EPSTI1: variants seen among roughly 807,000 people sequenced by gnomAD.
EPSTI1 encodes the protein epithelial stromal interaction 1.
A neutral mutation model predicts 49.9 loss-of-function variants in EPSTI1; 66 were observed. The ratio of observed to expected loss-of-function variants is 1.32; its 90% CI spans 1.08 to 1.62. The LOEUF (loss-of-function observed/expected upper bound fraction) is 1.62. EPSTI1 is among the 40% of genes most tolerant of loss of function. The probability of loss-of-function intolerance (pLI) is 0.00; values close to 1 mark genes in which losing one functional copy is unlikely to be tolerated. For missense variants in EPSTI1, 394 were observed against 365.5 expected (o/e 1.08, Z -0.64); for synonymous variants, 137 against 130.7 (o/e 1.05, Z -0.33).
chr13:42,897,727 A>G (rs2037235488), intron 9 of EPSTI1, among the ~76,000 whole-genome samples: 1 of 152,248 alleles, frequency 6.6e-6, no homozygotes, highest in African/African-American at 2.4e-5. Flanking sequence ...ATACTATAGG[A>G]GTGTCCTCAA....
chr13:42,928,505 G>T (rs1039418383), intron 6 of EPSTI1, among the ~76,000 whole-genome samples: 12 of 152,116 alleles, frequency 7.9e-5, no homozygotes, highest in African/African-American at 2.9e-4. Flanking sequence ...TGTTGGAGAG[G>T]GGTGGTCCTC....
intron 6 of EPSTI1, among the ~76,000 whole-genome samples, chr13:42,945,648 T>C (rs1035430259): frequency 2.6e-5 from 4 of 152,128 alleles, no homozygotes; most frequent in African/African-American, 9.7e-5. Flanking sequence ...GTTGCAAAGA[T>C]AGTAACAAAC....
intron 10 of EPSTI1, among the ~76,000 whole-genome samples, chr13:42,893,111 G>GA (rs1220021978): frequency 6.6e-6 from 1 of 152,038 alleles, no homozygotes; most frequent in African/African-American, 2.4e-5. Context: ...GTGGGTTTAA[G>GA]AAAAAAATAA....
chr13:42,901,998 A>G (rs1251707771), intron 8 of EPSTI1, among the ~76,000 whole-genome samples: 2 of 142,346 alleles, frequency 1.4e-5, no homozygotes, highest in African/African-American at 5.3e-5. Context: ...ATTCCCACCT[A>G]TGAGTGAGAA....
At chr13:42,932,173 T>A (rs1236773813) in intron 6 of EPSTI1, among the ~76,000 whole-genome samples, 1 of 152,010 alleles carries the variant, frequency 6.6e-6, no homozygotes, top group Non-Finnish European at 1.5e-5. Flanking sequence ...CCTCAAGTGA[T>A]CCTCCCACCT....
At chr13:42,919,136 CT>C (rs1240288672) in intron 7 of EPSTI1, among the ~76,000 whole-genome samples, 8 of 151,962 alleles carry the variant, frequency 5.3e-5, no homozygotes, top group Non-Finnish European at 8.8e-5. Context: ...TTTTGTTGTT[CT>C]TTTATTAGAA....
intron 10 of EPSTI1, among the ~76,000 whole-genome samples, chr13:42,891,352 T>C (rs1369498297): frequency 6.6e-6 from 1 of 152,238 alleles, no homozygotes; most frequent in East Asian, 1.9e-4. Context: ...TGTATAGGCC[T>C]GGTCTTCGTT....
intron 6 of EPSTI1, among the ~76,000 whole-genome samples, chr13:42,950,499 A>G (rs1425801756): frequency 6.6e-6 from 1 of 152,228 alleles, no homozygotes; most frequent in Non-Finnish European, 1.5e-5. Context: ...AATAATTGAC[A>G]ACACTAAAAA....
intron 10 of EPSTI1, 132 bp downstream of exon 10, chr13:42,894,877 C>G: frequency 7.1e-6 from 5 of 699,404 alleles, no homozygotes; most frequent in Non-Finnish European, 9.5e-6. Context: ...GGCTGACTGC[C>G]CATCACACTG....
rs2036896822 is a variant in EPSTI1 at position 42,887,483 on chromosome 13, A to AGAT, written c.*1008_*1010dup. On this transcript the variant is annotated 3_prime_UTR_variant, in exon 11 of 11. Coordinates refer to ENST00000313624, the MANE Select transcript of EPSTI1 (RefSeq NM_033255.5). Reference sequence around the variant, plus strand: ...AGTATTATTAGTTGTCCAGCTGCAAAGATGATTTGTTGTATTTACCTTTAT... The same window carrying AGAT: ...AGTATTATTAGTTGTCCAGCTGCAAAGATGATGATTTGTTGTATTTACCTTTAT... The AGAT allele has an allele frequency of 2.0e-5, 3 of 152,224 alleles. No individual in the cohort carries two copies. The highest frequency in any genetic ancestry group is 7.2e-5 in the African/African-American group (3 of 41,446). The allele number at this position is 152,224 out of a possible 1,614,324, so 9.4% of individuals were successfully genotyped here.
intron 1 of EPSTI1, among the ~76,000 whole-genome samples, chr13:42,977,877 G>T (rs1280687878): frequency 6.6e-6 from 1 of 152,232 alleles, no homozygotes; most frequent in South Asian, 2.1e-4. Flanking sequence ...AAGGCCTGGT[G>T]TGGTGGCTCA....
At chr13:42,970,782 T>C (rs1373825170) in intron 1 of EPSTI1, 112 bp from the exon 2 acceptor site, 7 of 750,920 alleles carry the variant, frequency 9.3e-6, no homozygotes, top group African/African-American at 5.3e-5. Context: ...TACCATCAAA[T>C]AGGCACTATG....
At chr13:42,959,569 T>C (rs2039380453) in intron 5 of EPSTI1, among the ~76,000 whole-genome samples, 1 of 152,226 alleles carries the variant, frequency 6.6e-6, no homozygotes, top group South Asian at 2.1e-4. Flanking sequence ...CTGCATCTAA[T>C]ATGCATAACT....
In EPSTI1 at chr13:42,886,542, T is replaced by C. The variant is rs1380012140; in HGVS notation, c.*1952A>G. 6.6e-6 allele frequency: 1 copy of C among 152,082 alleles called. No homozygotes were observed. The highest frequency in any genetic ancestry group is 1.5e-5 in the Non-Finnish European group (1 of 67,994). The allele number at this position is 152,082 out of a possible 1,614,324, so 9.4% of individuals were successfully genotyped here. On this transcript the variant is annotated 3_prime_UTR_variant, in exon 11 of 11. Transcript: ENST00000313624. Reference sequence around the variant, plus strand: ...AGCGGGGGGACATTAAAATTAAGCATAGAAATGGTGGAACTTTGGGATTTC... The same window carrying C: ...AGCGGGGGGACATTAAAATTAAGCACAGAAATGGTGGAACTTTGGGATTTC...
intron 6 of EPSTI1, among the ~76,000 whole-genome samples, chr13:42,945,518 C>G (rs1393589146): frequency 1.3e-5 from 2 of 152,194 alleles, no homozygotes; most frequent in Non-Finnish European, 2.9e-5. Context: ...GTCTGGAATT[C>G]ATTTTATAGG....
At chr13:42,939,690 C>T (rs2038688771) in intron 6 of EPSTI1, among the ~76,000 whole-genome samples, 1 of 152,074 alleles carries the variant, frequency 6.6e-6, no homozygotes, top group Admixed American at 6.5e-5. Flanking sequence ...CATGGATCAC[C>T]AAATCAGATG....
rs2040151072 is a variant in EPSTI1 at position 42,989,567 on chromosome 13, C to CTTTTTTTCTT, written c.188+2410_188+2411insAAGAAAAAAA. 8.9e-5 allele frequency among the ~76,000 whole-genome samples: 7 copies of CTTTTTTTCTT among 79,022 alleles called. 1 individual carries two copies. The highest frequency in any genetic ancestry group is 1.7e-4 in the Non-Finnish European group (7 of 40,258). 51.8% of individuals were successfully genotyped at this position (79,022 alleles called of 152,430 possible). On this transcript the variant is annotated intron_variant, in intron 1 of 10. Transcript: ENST00000313624. ...ATTAAAGCACTTTATCCTCTTTTTT[C>CTTTTTTTCTT]TTTTTTTTTTTTTTTTGCTTTTTGT...
chr13:42,926,556 G>A (rs765430943), intron 6 of EPSTI1, 127 bp from the exon 7 acceptor site: 3 of 706,702 alleles, frequency 4.2e-6, no homozygotes, highest in Non-Finnish European at 8.0e-6. Context: ...AGAACAGAAA[G>A]TTACGTTGAG....
intron 6 of EPSTI1, among the ~76,000 whole-genome samples, chr13:42,944,165 T>C (rs9525710): frequency 0.83 from 125,923 of 152,142 alleles, 52,289 homozygotes; most frequent in East Asian, 0.94. Flanking sequence ...AGTCCCATTA[T>C]CGGGTATATA....
Sources: allele counts gnomAD v4.1 joint callset (sites outside exome capture counted in the v4.1 genomes callset), GRCh38; gene constraint gnomAD v4.1.1; transcripts MANE v1.5; gene names NCBI Gene and HGNC (gene_info 2026-07-23, HGNC 2026-07-21).